Variants in ARHGEF18 observed in about 807,000 individuals in gnomAD.
ARHGEF18 encodes the protein rho guanine nucleotide exchange factor 18.
A neutral mutation model predicts 155.7 loss-of-function variants in ARHGEF18; 93 were observed. That is an observed-to-expected ratio of 0.60 (90% CI 0.50 to 0.71). ARHGEF18 has a LOEUF of 0.71. Among genes scored for constraint, ARHGEF18 ranks in the 30% least tolerant of loss-of-function variants. The pLI, the probability that ARHGEF18 is intolerant of heterozygous loss-of-function variation, is 0.00. For missense variants in ARHGEF18, 1,593 were observed against 1,816.1 expected, an observed-to-expected ratio of 0.88 and a Z score of 2.23; for synonymous variants, 742 against 753.1, an observed-to-expected ratio of 0.99 and a Z score of 0.24.
At chr19:7,375,968 G>A (rs1277286018) in intron 4 of ARHGEF18, 98 bp downstream of exon 4, 56 of 1,199,094 alleles carry the variant, frequency 4.7e-5, no homozygotes, top group Non-Finnish European at 5.7e-5. Flanking sequence ...GGCTGGTGGC[G>A]CTTACCCACC....
At chr19:7,399,929 C>T (rs1487158666) in intron 10 of ARHGEF18, among the ~76,000 whole-genome samples, 2 of 151,940 alleles carry the variant, frequency 1.3e-5, no homozygotes, top group Non-Finnish European at 1.5e-5. Context: ...CGTACCACCG[C>T]GCCCAATTAA....
intron 10 of ARHGEF18, among the ~76,000 whole-genome samples, chr19:7,419,419 T>C (rs9329379): frequency 0.15 from 22,602 of 150,150 alleles, 3,591 homozygotes; most frequent in African/African-American, 0.4. Flanking sequence ...AACCCAGATG[T>C]ACCCACACTT....
At chr19:7,413,606 A>AG (rs398120778) in intron 10 of ARHGEF18, among the ~76,000 whole-genome samples, 310 of 151,704 alleles carry the variant, frequency 2.0e-3, no homozygotes, top group Non-Finnish European at 3.4e-3. Context: ...CGGCAAAAAA[A>AG]TCTTTTTTAA....
chr19:7,468,986 G>A lies in ARHGEF18; in HGVS notation c.3642G>A (p.Val1214=), dbSNP rs763126574. The A allele has an allele frequency of 1.9e-6, 3 of 1,593,686 alleles. No individual in the cohort carries two copies. The highest frequency in any genetic ancestry group is 1.1e-5 in the South Asian group (1 of 88,246). ...PTENRLAKSD[V]PIQLLSATNQ... ...AGAACCGGCTGGCCAAGAGCGATGT[G>A]CCCATCCAGCTGCTCAGCGCCACCA... Residue 1214 remains valine (V), a synonymous_variant, in exon 27 of 29, where the codon GTG becomes GTA. Transcript: ENST00000668164.
At chr19:7,385,539 G>A (rs529135434) in intron 10 of ARHGEF18, among the ~76,000 whole-genome samples, 3 of 150,550 alleles carry the variant, frequency 2.0e-5, no homozygotes, top group South Asian at 2.1e-4. Context: ...GCAGTGGCAC[G>A]ATCATAGCTC....
chr19:7,453,443 C>T (rs376700693), intron 16 of ARHGEF18, 24 bp from the exon 17 acceptor site: 42 of 1,567,870 alleles, frequency 2.7e-5, no homozygotes, highest in African/African-American at 1.6e-4. Context: ...AAAAGAAAGA[C>T]GCTAACTCTG....
At chr19:7,385,899 TCTCTCTCC>T (rs1327423791) in intron 10 of ARHGEF18, among the ~76,000 whole-genome samples, 127 of 50,114 alleles carry the variant, frequency 2.5e-3, no homozygotes, top group Non-Finnish European at 3.4e-3. Flanking sequence ...TCCCTCCCTC[TCTCTCTCC>T]CTCTCTCCCT....
chr19:7,404,633 T>A (rs187793975), intron 10 of ARHGEF18, among the ~76,000 whole-genome samples: 5 of 151,390 alleles, frequency 3.3e-5, no homozygotes, highest in African/African-American at 1.2e-4. Context: ...CTAATTTTTG[T>A]ATTTTTAGTA....
chr19:7,451,148 G>T lies in ARHGEF18; in HGVS notation c.1738-1G>T. ...ACAGGATCTTGCTTTCTGTTTCCTA[G>T]AAAATTGGCAACTTCTCCATCGTGC... On this transcript the variant is annotated splice_acceptor_variant, in intron 15 of 28. Transcript: ENST00000668164. LOFTEE classifies it high-confidence loss of function. 1 of 1,510,070 alleles carries T rather than the reference G, an allele frequency of 6.6e-7. No individual in the cohort carries two copies. The highest frequency in any genetic ancestry group is 8.8e-7 in the Non-Finnish European group (1 of 1,134,158). 93.5% of individuals were successfully genotyped at this position (1,510,070 alleles called of 1,614,324 possible). A position where few individuals can be genotyped will look rare whatever the true frequency, so the allele number is the denominator to read the frequency against.
chr19:7,395,868 T>A lies in ARHGEF18; in HGVS notation c.967+12665T>A, dbSNP rs1315813027. Among the ~76,000 whole-genome samples the A allele has an allele frequency of 2.6e-5, 4 of 152,222 alleles. No individual in the cohort carries two copies. The East Asian group carries it at 7.7e-4, about 29-fold the overall frequency. The stretch of plus-strand genomic sequence containing the variant: ...TTAAATTTCAACTTTTATTTGAGAT[T>A]GAGGGGGTACATGTACAGGTTTGTT... On this transcript the variant is annotated intron_variant, in intron 10 of 28. Coordinates refer to ENST00000668164, the MANE Select transcript of ARHGEF18 (RefSeq NM_001367823.1). The surrounding 1 kb of genome is among the most constrained non-coding windows in gnomAD (Gnocchi z 5.0).
intron 5 of ARHGEF18, 63 bp downstream of exon 5, chr19:7,376,820 T>G: frequency 9.1e-7 from 1 of 1,094,734 alleles, no homozygotes; most frequent in Non-Finnish European, 1.2e-6. Flanking sequence ...CTGGCCAACA[T>G]GGTGAAACCC....
At position 7,469,973 on chromosome 19, in the gene ARHGEF18, ACCGCCGCTCGCTGAG is replaced by A. The variant is rs1017986473; in HGVS notation, c.3860_3874del (p.Arg1287_Ser1291del). 1.2e-6 allele frequency: 2 copies of A among 1,612,408 alleles called. No individual in the cohort carries two copies. The highest frequency in any genetic ancestry group is 2.7e-5 in the African/African-American group (2 of 74,726). On this transcript the variant is annotated inframe_deletion, in exon 28 of 29. Coordinates refer to ENST00000668164, the MANE Select transcript of ARHGEF18 (RefSeq NM_001367823.1). ...GGGAAAGATGAGAGCACCTCACGGA[ACCGCCGCTCGCTGAG>A]CCCTATCCTGCCCGGCAGACACAGT...
At chr19:7,386,235 A>G in intron 10 of ARHGEF18, among the ~76,000 whole-genome samples, 1 of 52,634 alleles carries the variant, frequency 1.9e-5, no homozygotes, top group South Asian at 5.0e-4. Context: ...GCTATGTTGC[A>G]AAAAAAAAAA....
rs372524409 is a variant in ARHGEF18, at chr19:7,470,022, C to T, written c.3906C>T (p.Pro1302=). The change falls in exon 28 of 29, where the codon CCC becomes CCT. Residue 1302 remains proline (P), a synonymous_variant. Transcript: ENST00000668164. The surrounding 1 kb of genome is among the most constrained non-coding windows in gnomAD (Gnocchi z 5.9). ...PILPGRHSPA[P]PPDPGFPAPS... The stretch of plus-strand genomic sequence containing the variant: ...TGCCCGGCAGACACAGTCCTGCGCC[C>T]CCACCAGGTGAGCCCCCACCCCCTG... The T allele has an allele frequency of 1.2e-6, 2 of 1,612,692 alleles. No homozygotes were observed. The highest frequency in any genetic ancestry group is 2.7e-5 in the African/African-American group (2 of 74,900).
chr19:7,441,208 G>A (rs1974624003), intron 11 of ARHGEF18, among the ~76,000 whole-genome samples: 1 of 118,754 alleles, frequency 8.4e-6, no homozygotes, highest in Non-Finnish European at 1.6e-5. Context: ...TCTTTAGACA[G>A]AGTCTCTGTC....
intron 10 of ARHGEF18, among the ~76,000 whole-genome samples, chr19:7,385,835 C>A (rs947345164): frequency 2.2e-5 from 1 of 44,592 alleles, no homozygotes; most frequent in Non-Finnish European, 4.3e-5. Flanking sequence ...CTCTCTCTAT[C>A]TCTCTCTCTC....
chr19:7,358,733 T>C (rs184504975), intron 1 of ARHGEF18, among the ~76,000 whole-genome samples: 3 of 152,242 alleles, frequency 2.0e-5, no homozygotes, highest in African/African-American at 7.2e-5. Context: ...CAGATTGGTA[T>C]GGCCTTGGTA....
intron 26 of ARHGEF18, 61 bp downstream of exon 26, chr19:7,467,745 A>G: frequency 1.4e-6 from 2 of 1,396,182 alleles, no homozygotes; most frequent in East Asian, 3.0e-5. Context: ...GTGCATTTGC[A>G]CGAGTGCATG....
intron 2 of ARHGEF18, among the ~76,000 whole-genome samples, chr19:7,365,964 G>C (rs1281907744): frequency 3.3e-5 from 5 of 151,148 alleles, no homozygotes; most frequent in African/African-American, 9.7e-5. Context: ...ATTTTTTTTT[G>C]AGACAGGGTC....
Sources: allele counts gnomAD v4.1 joint callset (sites outside exome capture counted in the v4.1 genomes callset), GRCh38; gene constraint gnomAD v4.1.1; non-coding constraint Gnocchi (gnomAD v3.1); transcripts MANE v1.5; gene names NCBI Gene and HGNC (gene_info 2026-07-23, HGNC 2026-07-21).